ABCF1: variants seen among roughly 807,000 people sequenced by gnomAD.
ABCF1 encodes the protein ATP binding cassette subfamily F member 1.
A neutral mutation model predicts 126.3 loss-of-function variants in ABCF1; 73 were observed. The observed-to-expected ratio is 0.58, with a 90% CI of 0.48 to 0.70. ABCF1 has a LOEUF of 0.70. Ranked by LOEUF, ABCF1 falls within the 30% of genes least tolerant of loss-of-function variation. ABCF1 has a pLI of 0.00. For synonymous variants in ABCF1, 345 were observed against 396.4 expected, an observed-to-expected ratio of 0.87 and a Z score of 1.54; for missense variants, 786 against 1,057.5, an observed-to-expected ratio of 0.74 and a Z score of 3.56.
rs1802158977 is a variant in ABCF1, at chr6:30,586,771, C to T, written c.2031+60C>T. 2 of 1,569,954 alleles carry T rather than the reference C, an allele frequency of 1.3e-6. No homozygotes were observed. Among genetic ancestry groups the T allele is most frequent in the Non-Finnish European group, 8.7e-7 (1 of 1,142,972 alleles). ...AATGTGAAGACACAGCTGCTTTTGCCAGAAGCTGGAATCAGGGAGCCTCTC... is the reference window on the plus strand; with the variant it reads ...AATGTGAAGACACAGCTGCTTTTGCTAGAAGCTGGAATCAGGGAGCCTCTC... On this transcript the variant is annotated intron_variant, in intron 20 of 24. Coordinates refer to ENST00000326195, the MANE Select transcript of ABCF1 (RefSeq NM_001025091.2). The surrounding 1 kb of genome is among the most constrained non-coding windows in gnomAD (Gnocchi z 4.9).
In ABCF1 at chr6:30,586,121, T is replaced by C; in HGVS notation, c.1714-13T>C. ...CAGGGCTCAGGTTTCTCTTTTTTCC[T>C]CTTCCTCTCCAGGAAAAACAAACGA... On this transcript the variant is annotated splice_polypyrimidine_tract_variant and intron_variant, in intron 17 of 24. Transcript: ENST00000326195. The surrounding 1 kb of genome is among the most constrained non-coding windows in gnomAD (Gnocchi z 4.9). The C allele has an allele frequency of 6.2e-7, 1 of 1,608,808 alleles. No homozygotes were observed. The highest frequency in any genetic ancestry group is 8.5e-7 in the Non-Finnish European group (1 of 1,178,302).
In ABCF1 at chr6:30,585,866, T is replaced by G; in HGVS notation, c.1601-13T>G. 1 of 1,593,068 alleles carries G rather than the reference T, an allele frequency of 6.3e-7. No homozygotes were observed. The highest frequency in any genetic ancestry group is 8.6e-7 in the Non-Finnish European group (1 of 1,168,824). On this transcript the variant is annotated splice_polypyrimidine_tract_variant and intron_variant, in intron 16 of 24. Coordinates refer to ENST00000326195, the MANE Select transcript of ABCF1 (RefSeq NM_001025091.2). The stretch of plus-strand genomic sequence containing the variant: ...GAGCAACCACTGATGCCTGGTCCCC[T>G]CTTCTGCCCCAGTGACCTTCAAAAA...
At chr6:30,577,600 T>C in intron 2 of ABCF1, 145 bp downstream of exon 2, 1 of 1,120,606 alleles carries the variant, frequency 8.9e-7, no homozygotes, top group Non-Finnish European at 1.3e-6. Context: ...GGCTTACACC[T>C]GTAATCCCAG....
intron 6 of ABCF1, among the ~76,000 whole-genome samples, chr6:30,579,382 G>T (rs1413751896): frequency 6.6e-6 from 1 of 151,178 alleles, no homozygotes; most frequent in Admixed American, 6.6e-5. Flanking sequence ...TGGTGTGAAA[G>T]TCATACTCAT....
Position 30,579,930 on chromosome 6 carries a change from G to A in ABCF1, c.490-1G>A, listed in dbSNP as rs1395597944. The A allele has an allele frequency of 6.2e-7, 1 of 1,612,690 alleles. No individual in the cohort carries two copies. Among genetic ancestry groups the A allele is most frequent in the Non-Finnish European group, 8.5e-7 (1 of 1,179,964 alleles). On this transcript the variant is annotated splice_acceptor_variant, in intron 6 of 24. Coordinates refer to ENST00000326195, the MANE Select transcript of ABCF1 (RefSeq NM_001025091.2). LOFTEE classifies it high-confidence loss of function. ...GTAATGTGTATGTGTGTCTCCTCCAGGCCGTATCTGAGGAACAGCAGCCTG... is the reference window on the plus strand; with the variant it reads ...GTAATGTGTATGTGTGTCTCCTCCAAGCCGTATCTGAGGAACAGCAGCCTG...
At chr6:30,585,831 C>T in intron 16 of ABCF1, 48 bp from the exon 17 acceptor site, 1 of 1,562,728 alleles carries the variant, frequency 6.4e-7, no homozygotes. Flanking sequence ...TGTCCCTTTG[C>T]TGGGAAGAGG....
intron 20 of ABCF1, among the ~76,000 whole-genome samples, chr6:30,587,249 C>CA (rs9278735): frequency 3.2e-4 from 45 of 139,174 alleles, no homozygotes; most frequent in East Asian, 4.4e-4. Context: ...GACTCCATCT[C>CA]AAAAAAAAAA....
chr6:30,578,687 C>A, intron 6 of ABCF1, 110 bp downstream of exon 6: 1 of 978,096 alleles, frequency 1.0e-6, no homozygotes, highest in Non-Finnish European at 1.6e-6. Flanking sequence ...CTTACTTATA[C>A]TGTTAAAATC....
intron 2 of ABCF1, 39 bp from the exon 3 acceptor site, chr6:30,577,779 T>C: frequency 6.2e-7 from 1 of 1,605,666 alleles, no homozygotes; most frequent in Non-Finnish European, 8.5e-7. Flanking sequence ...TGGATTGCTC[T>C]TGGAAACATG....
chr6:30,578,821 G>A (rs374117445), intron 6 of ABCF1, among the ~76,000 whole-genome samples: 115 of 152,116 alleles, frequency 7.6e-4, no homozygotes, highest in African/African-American at 2.5e-3. Context: ...CCAACATGGC[G>A]AAACCTCATC....
intron 1 of ABCF1, among the ~76,000 whole-genome samples, chr6:30,573,226 G>T (rs1801344741): frequency 6.6e-6 from 1 of 152,176 alleles, no homozygotes; most frequent in Admixed American, 6.5e-5. Context: ...TCGGAACTGA[G>T]AACTGATTAA....
intron 6 of ABCF1, among the ~76,000 whole-genome samples, chr6:30,579,455 A>ATTTTT (rs9281009): frequency 3.6e-5 from 4 of 112,140 alleles, no homozygotes; most frequent in Admixed American, 9.9e-5. Context: ...AGTTGGAACT[A>ATTTTT]TTTTTTTTTT....
chr6:30,578,366 G>A lies in ABCF1; in HGVS notation c.362G>A (p.Arg121His), dbSNP rs145174924. 67 of 1,614,030 alleles carry A rather than the reference G, an allele frequency of 4.2e-5. No homozygotes were observed. Among genetic ancestry groups the A allele is most frequent in the East Asian group, 2.7e-4 (12 of 44,878 alleles). The part of the protein sequence containing the change: ...EEDEVPAPKP[R>H]GGKKTKGGNV... Reference sequence around the variant, plus strand: ...ATTTCAGTACCCGCCCCAAAACCCCGCGGAGGGAAGAAAACCAAGGTAAGC... The same window carrying A: ...ATTTCAGTACCCGCCCCAAAACCCCACGGAGGGAAGAAAACCAAGGTAAGC... The change falls in exon 5 of 25, where the codon CGC becomes CAC. Residue 121 changes from arginine to histidine, a missense_variant. Transcript: ENST00000326195.
At position 30,578,366 on chromosome 6, in the gene ABCF1, G is replaced by T; in HGVS notation, c.362G>T (p.Arg121Leu). 6.2e-7 allele frequency: 1 copy of T among 1,614,032 alleles called. No homozygotes were observed. Among genetic ancestry groups the T allele is most frequent in the South Asian group, 1.1e-5 (1 of 91,078 alleles). Residue 121 changes from arginine (R) to leucine (L), a missense_variant, in exon 5 of 25, where the codon CGC becomes CTC. By Grantham distance (102) the Arg-to-Leu change is moderately radical. Around this residue, in one of 4 missense-constraint regions of ABCF1, gnomAD observed 322 missense variants for 322.9 expected, o/e 1.00. Transcript: ENST00000326195. ...EEDEVPAPKPRGGKKTKGGNV... is the reference protein window; with the variant it reads ...EEDEVPAPKPLGGKKTKGGNV... ...ATTTCAGTACCCGCCCCAAAACCCC[G>T]CGGAGGGAAGAAAACCAAGGTAAGC...
At chr6:30,585,725 C>G (rs780998918) in intron 16 of ABCF1, 43 bp downstream of exon 16, 8 of 1,606,672 alleles carry the variant, frequency 5.0e-6, no homozygotes, top group Non-Finnish European at 6.8e-6. Flanking sequence ...GATAGAACCT[C>G]GAAAAGAGGC....
In ABCF1 at chr6:30,586,573, G is replaced by A. The variant is rs1289887578; in HGVS notation, c.1960+25G>A. 6.2e-7 allele frequency: 1 copy of A among 1,613,282 alleles called. No individual in the cohort carries two copies. The highest frequency in any genetic ancestry group is 1.7e-5 in the Admixed American group (1 of 60,014). The stretch of plus-strand genomic sequence containing the variant: ...AGTGAGTTGGCGGGGTTGCCTCAGG[G>A]ATGTGTAGCAGGAGCCACAGGGAGA... On this transcript the variant is annotated intron_variant, in intron 19 of 24. Coordinates refer to ENST00000326195, the MANE Select transcript of ABCF1 (RefSeq NM_001025091.2). This position sits in a 1 kb window ranked among gnomAD's most constrained non-coding sequence, Gnocchi z 4.9.
In ABCF1 at chr6:30,577,328, G is replaced by T; in HGVS notation, c.74-81G>T. 1.5e-6 allele frequency: 2 copies of T among 1,318,968 alleles called. 1 individual carries two copies. Among genetic ancestry groups the T allele is most frequent in the South Asian group, 2.5e-5 (2 of 79,410 alleles). The allele number at this position is 1,318,968 out of a possible 1,614,324, so 81.7% of individuals were successfully genotyped here. A position where few individuals can be genotyped will look rare whatever the true frequency, so the allele number is the denominator to read the frequency against. ...AGAAAAATAATAAAATAGGATAGAG[G>T]CTACAGAGATCTTTGCAGGGGGGAT... On this transcript the variant is annotated intron_variant, in intron 1 of 24. Transcript: ENST00000326195.
chr6:30,578,332 C>T lies in ABCF1; in HGVS notation c.344-16C>T. The T allele has an allele frequency of 6.2e-7, 1 of 1,614,070 alleles. No individual in the cohort carries two copies. The highest frequency in any genetic ancestry group is 8.5e-7 in the Non-Finnish European group (1 of 1,179,988). ...GTAATTCTTTCCTATCTCATGTTCT[C>T]CCCCTGTCATTTCAGTACCCGCCCC... is the stretch of plus-strand genomic sequence containing the variant. On this transcript the variant is annotated splice_polypyrimidine_tract_variant and intron_variant, in intron 4 of 24. Coordinates refer to ENST00000326195, the MANE Select transcript of ABCF1 (RefSeq NM_001025091.2).
Position 30,578,161 on chromosome 6 carries a change from T to G in ABCF1, c.302T>G (p.Leu101Arg), listed in dbSNP as rs1801607555. Residue 101 changes from leucine to arginine, a missense_variant, in exon 4 of 25, where the codon CTT becomes CGT. Transcript: ENST00000326195. Reference sequence around the variant, plus strand: ...GAAGAGAAAGAGCTCATGGAGCGTCTTAAGAAGCTCTCAGTGCCAACCAGT... The same window carrying G: ...GAAGAGAAAGAGCTCATGGAGCGTCGTAAGAAGCTCTCAGTGCCAACCAGT... ...DGEEKELMER[L>R]KKLSVPTSDE... The G allele has an allele frequency of 6.2e-7, 1 of 1,613,994 alleles. No homozygotes were observed. Among genetic ancestry groups the G allele is most frequent in the Non-Finnish European group, 8.5e-7 (1 of 1,179,994 alleles).
Sources: gnomAD v4.1 joint callset for allele counts (sites outside exome capture counted in the v4.1 genomes callset) on GRCh38, gnomAD v4.1.1 for gene constraint, gnomAD v4.1.1 regional missense constraint, Gnocchi (gnomAD v3.1) non-coding constraint, MANE v1.5 for transcripts, NCBI Gene and HGNC (gene_info 2026-07-23, HGNC 2026-07-21) for gene names.